PDE3A: variants seen among roughly 807,000 people sequenced by gnomAD.
PDE3A encodes the protein cGMP-inhibited 3',5'-cyclic phosphodiesterase 3A.
In PDE3A, 43 loss-of-function variants were observed where a neutral mutation model predicts 98.3. The observed-to-expected ratio is 0.44, with a 90% confidence interval of 0.34 to 0.56. The LOEUF (loss-of-function observed/expected upper bound fraction) is 0.56. Among genes scored for constraint, PDE3A ranks in the 20% least tolerant of loss-of-function variants. PDE3A has a pLI of 0.01. For missense variants in PDE3A, 1,427 were observed against 1,440.7 expected (o/e 0.99, Z 0.15); for synonymous variants, 663 against 567.9 (o/e 1.17, Z -2.38).
At chr12:20,656,956 G>A (rs564875371) in intron 15 of PDE3A, among the ~76,000 whole-genome samples, 58 of 152,218 alleles carry the variant, frequency 3.8e-4, no homozygotes, top group African/African-American at 1.4e-3. Flanking sequence ...ATACCTTCCA[G>A]TTTTTATCAA....
In PDE3A at chr12:20,625,081, A is replaced by T. The variant is rs186755062; in HGVS notation, c.1540+3670A>T. ...CCCTGTTTCCAGAGAGGGCTAATGAAATCTGTTCTTTGCGCAAATCAAGTA... is the reference window on the plus strand; with the variant it reads ...CCCTGTTTCCAGAGAGGGCTAATGATATCTGTTCTTTGCGCAAATCAAGTA... On this transcript the variant is annotated intron_variant, in intron 5 of 15. Transcript: ENST00000359062. Among the ~76,000 whole-genome samples, 31 of 152,292 alleles carry T rather than the reference A, an allele frequency of 2.0e-4. No individual in the cohort carries two copies. The East Asian group carries it at 5.6e-3, about 28-fold the overall frequency.
chr12:20,518,460 C>T (rs1946361426), intron 1 of PDE3A, among the ~76,000 whole-genome samples: 3 of 151,814 alleles, frequency 2.0e-5, no homozygotes, highest in African/African-American at 7.3e-5. Flanking sequence ...CAAATTTATC[C>T]CTTTACCTGT....
intron 10 of PDE3A, among the ~76,000 whole-genome samples, chr12:20,644,495 T>C (rs10841582): frequency 6.6e-6 from 1 of 151,932 alleles, no homozygotes; most frequent in African/African-American, 2.4e-5. Flanking sequence ...GGATTTTAAG[T>C]AACTCACCCA....
intron 2 of PDE3A, among the ~76,000 whole-genome samples, chr12:20,605,966 A>G (rs1318588194): frequency 6.6e-6 from 1 of 152,154 alleles, no homozygotes; most frequent in African/African-American, 2.4e-5. Context: ...TAAGTTATCA[A>G]TTTAATCTGT....
At position 20,682,843 on chromosome 12, in the gene PDE3A, G is replaced by C. The variant is rs1025177309; in HGVS notation, c.*2572G>C. On this transcript the variant is annotated 3_prime_UTR_variant, in exon 16 of 16. Coordinates refer to ENST00000359062, the MANE Select transcript of PDE3A (RefSeq NM_000921.5). ...AACATAAATATTAATTGAACATAGA[G>C]CTATGTTTGGAGTGAGTGGACTGGC... 6 of 152,112 alleles carry C rather than the reference G, an allele frequency of 3.9e-5. No individual in the cohort carries two copies. Among genetic ancestry groups the C allele is most frequent in the African/African-American group, 1.4e-4 (6 of 41,440 alleles). 9.4% of individuals were successfully genotyped at this position (152,112 alleles called of 1,614,324 possible).
rs140895994 is a variant in PDE3A, at chr12:20,501,391, T to A, written c.961-55269T>A. On this transcript the variant is annotated intron_variant, in intron 1 of 15. Transcript: ENST00000359062. ...TTTTTATTGCCTGAAAACTGCTAAG[T>A]GAACACATTATATGTAAAATTAAAG... Among the ~76,000 whole-genome samples the A allele has an allele frequency of 1.9e-4, 29 of 152,292 alleles. No homozygotes were observed. The Middle Eastern group carries it at 0.014, about 71-fold the overall frequency.
In PDE3A at chr12:20,386,132, AATATATATAAAT is replaced by A. The variant is rs1565532602; in HGVS notation, c.960+15908_960+15919del. On this transcript the variant is annotated intron_variant, in intron 1 of 15. Transcript: ENST00000359062. ...ATATAAATATATATAAATATATATA[AATATATATAAAT>A]ATATATATAAATATATATAAATATA... Among the ~76,000 whole-genome samples, 61 of 78,324 alleles carry A rather than the reference AATATATATAAAT, an allele frequency of 7.8e-4. 5 individuals are homozygous for A. Among genetic ancestry groups the A allele is most frequent in the Admixed American group, 4.6e-3 (21 of 4,540 alleles). The allele number at this position is 78,324 out of a possible 152,430, so 51.4% of individuals were successfully genotyped here. A position where few individuals can be genotyped will look rare whatever the true frequency, so the allele number is the denominator to read the frequency against.
chr12:20,490,450 T>C lies in PDE3A; in HGVS notation c.961-66210T>C, dbSNP rs376737786. Among the ~76,000 whole-genome samples, 18 of 152,166 alleles carry C rather than the reference T, an allele frequency of 1.2e-4. No homozygotes were observed. In the East Asian group the frequency reaches 1.4e-3, roughly 11 times the overall value. On this transcript the variant is annotated intron_variant, in intron 1 of 15. Transcript: ENST00000359062. ...GAGGAAACTTGTAATATTGGAGAAG[T>C]TACATGAGCACATTGTGTTTGCTGC... is the stretch of plus-strand genomic sequence containing the variant.
chr12:20,484,193 TC>T, intron 1 of PDE3A, among the ~76,000 whole-genome samples: 1 of 152,196 alleles, frequency 6.6e-6, no homozygotes, highest in South Asian at 2.1e-4. Flanking sequence ...AATTTGTATC[TC>T]CCCTCCTCAA....
intron 15 of PDE3A, among the ~76,000 whole-genome samples, chr12:20,660,568 G>C (rs867555248): frequency 1.3e-5 from 2 of 152,126 alleles, no homozygotes; most frequent in Non-Finnish European, 2.9e-5. Context: ...GGAGGGACCC[G>C]GTGGGAGATA....
At chr12:20,501,693 G>A (rs955955015) in intron 1 of PDE3A, among the ~76,000 whole-genome samples, 1 of 152,036 alleles carries the variant, frequency 6.6e-6, no homozygotes. Flanking sequence ...ATTTTTTAGT[G>A]ATTGTAAATA....
chr12:20,670,525 G>C (rs1257081237), intron 15 of PDE3A, among the ~76,000 whole-genome samples: 1 of 152,172 alleles, frequency 6.6e-6, no homozygotes, highest in African/African-American at 2.4e-5. Context: ...AATCCAGCTA[G>C]AACTCAGGAT....
At chr12:20,388,401 A>G (rs535995383) in intron 1 of PDE3A, among the ~76,000 whole-genome samples, 1 of 152,120 alleles carries the variant, frequency 6.6e-6, no homozygotes, top group Admixed American at 6.6e-5. Flanking sequence ...AAATATATAC[A>G]TCCACGTGTA....
Position 20,369,723 on chromosome 12 carries a change from G to T in PDE3A, c.439G>T (p.Gly147Cys). The T allele has an allele frequency of 6.2e-7, 1 of 1,612,250 alleles. No individual in the cohort carries two copies. The highest frequency in any genetic ancestry group is 1.1e-5 in the South Asian group (1 of 91,044). The change falls in exon 1 of 16, where the codon GGC (glycine) becomes TGC (cysteine). Residue 147 changes from glycine (G) to cysteine (C), a missense_variant. Physicochemically the swap from Gly to Cys is radical, Grantham distance 159. Transcript: ENST00000359062. ...TCTCCTGTGTGCCTTCTTCTGGATGGGCTTGTACCTCCTGCGCGCCGGGGT... is the reference window on the plus strand; with the variant it reads ...TCTCCTGTGTGCCTTCTTCTGGATGTGCTTGTACCTCCTGCGCGCCGGGGT... ...FSLLCAFFWM[G>C]LYLLRAGVRL...
At chr12:20,645,123 A>G (rs1215484781) in intron 10 of PDE3A, among the ~76,000 whole-genome samples, 2 of 151,928 alleles carry the variant, frequency 1.3e-5, no homozygotes, top group Non-Finnish European at 2.9e-5. Context: ...TCCTGACTTC[A>G]AATGATCCAC....
chr12:20,457,192 T>G (rs1339956559), intron 1 of PDE3A, among the ~76,000 whole-genome samples: 1 of 151,936 alleles, frequency 6.6e-6, no homozygotes, highest in Non-Finnish European at 1.5e-5. Flanking sequence ...ACAGAAAAAG[T>G]ATTCTATTTC....
rs141413559 is a variant in PDE3A at position 20,412,551 on chromosome 12, CAG to C, written c.960+42309_960+42310del. Among the ~76,000 whole-genome samples, 314 of 151,176 alleles carry C rather than the reference CAG, an allele frequency of 2.1e-3. 6 individuals are homozygous for C. In the East Asian group the frequency reaches 0.057, roughly 28 times the overall value. On this transcript the variant is annotated intron_variant, in intron 1 of 15. Transcript: ENST00000359062. ...CATATGTAAGAAAGTGAAAAACCGA[CAG>C]ACAGACAAAACCCACCTAAGTCAAT...
chr12:20,376,659 T>C (rs180709402), intron 1 of PDE3A, among the ~76,000 whole-genome samples: 35 of 152,028 alleles, frequency 2.3e-4, no homozygotes, highest in Admixed American at 7.9e-4. Flanking sequence ...TATTTTTGTA[T>C]GTTCAGGATT....
Position 20,616,213 on chromosome 12 carries a change from T to G in PDE3A, c.1270-17T>G. On this transcript the variant is annotated splice_polypyrimidine_tract_variant and intron_variant, in intron 3 of 15. Coordinates refer to ENST00000359062, the MANE Select transcript of PDE3A (RefSeq NM_000921.5). ...ATATAAAATATTCTGGGTAATGAAG[T>G]CAAGTCTCTTTCCTAGCGCCTGAGA... 3 of 1,611,974 alleles carry G rather than the reference T, an allele frequency of 1.9e-6. No homozygotes were observed. The highest frequency in any genetic ancestry group is 2.5e-6 in the Non-Finnish European group (3 of 1,178,588).
Sources: allele counts gnomAD v4.1 joint callset (sites outside exome capture counted in the v4.1 genomes callset), GRCh38; gene constraint gnomAD v4.1.1; transcripts MANE v1.5; gene names NCBI Gene and HGNC (gene_info 2026-07-23, HGNC 2026-07-21).